AP5Z1: variants seen among roughly 807,000 people sequenced by gnomAD.
AP5Z1 encodes the protein AP-5 complex subunit zeta-1.
In AP5Z1, 106 loss-of-function variants were observed where a neutral mutation model predicts 83.0. That is an observed-to-expected ratio of 1.28 (90% CI 1.09 to 1.50). The LOEUF is 1.50. Ranked by LOEUF, AP5Z1 falls within the 40% of genes most tolerant of loss-of-function variation. The pLI is 0.00. For missense variants in AP5Z1, 1,565 were observed against 1,094.2 expected (o/e 1.43, Z -6.07); for synonymous variants, 751 against 514.1 (o/e 1.46, Z -6.23).
rs78959612 is a variant in AP5Z1 at position 4,790,447 on chromosome 7, C to T, written c.1806-12C>T. ...CTGCACAGAGCAGGCGTAGACCCGG[C>T]TTTCTGGGCAGTGTGCTGAGTTCTC... On this transcript the variant is annotated splice_polypyrimidine_tract_variant and intron_variant, in intron 14 of 16. Transcript: ENST00000649063. 4.5e-3 allele frequency: 7,328 copies of T among 1,613,036 alleles called. 262 individuals are homozygous for T. The African/African-American group carries it at 0.082, about 18-fold the overall frequency.
intron 3 of AP5Z1, among the ~76,000 whole-genome samples, chr7:4,782,523 C>T (rs1056859678): frequency 2.6e-5 from 4 of 152,184 alleles, no homozygotes; most frequent in Non-Finnish European, 2.9e-5. Context: ...TCATGAGTTG[C>T]CTCCTGTGCT....
At chr7:4,782,257 T>C (rs1781402971) in intron 3 of AP5Z1, among the ~76,000 whole-genome samples, 1 of 152,164 alleles carries the variant, frequency 6.6e-6, no homozygotes, top group Non-Finnish European at 1.5e-5. Flanking sequence ...GGTCTCACTA[T>C]GTTGCCCAGG....
chr7:4,781,963 C>G (rs562184207), intron 3 of AP5Z1, among the ~76,000 whole-genome samples: 1 of 152,218 alleles, frequency 6.6e-6, no homozygotes, highest in African/African-American at 2.4e-5. Context: ...TATGTTGGTG[C>G]TCAGGAGAGG....
rs1234994936 is a variant in AP5Z1, at chr7:4,786,308, G to A, written c.1191G>A (p.Pro397=). 2.5e-5 allele frequency: 40 copies of A among 1,613,656 alleles called. No individual in the cohort carries two copies. Among genetic ancestry groups the A allele is most frequent in the Non-Finnish European group, 3.0e-5 (35 of 1,179,804 alleles). Residue 397 remains proline, a synonymous_variant, in exon 10 of 17, where the codon CCG becomes CCA. Transcript: ENST00000649063. ...AVYQHLFTRI[P]VEQFHSPMLA... ...ACCAGCACCTGTTCACCAGGATCCC[G>A]GTGGAGCAGTTCCACAGCCCCATGC... is the stretch of plus-strand genomic sequence containing the variant.
At chr7:4,782,601 C>T (rs901836318) in intron 3 of AP5Z1, among the ~76,000 whole-genome samples, 5 of 152,044 alleles carry the variant, frequency 3.3e-5, no homozygotes, top group African/African-American at 7.2e-5. Flanking sequence ...GTACTCAGGG[C>T]GTTGTACTTC....
In AP5Z1 at chr7:4,792,444, T is replaced by C. The variant is rs1781813383; in HGVS notation, c.*1059T>C. The stretch of plus-strand genomic sequence containing the variant: ...CCACAGGCTGAAGGCGACTGCAGGG[T>C]CCTGCCCCTTGCCCAGCCTCAGGAC... On this transcript the variant is annotated 3_prime_UTR_variant, in exon 17 of 17. Coordinates refer to ENST00000649063, the MANE Select transcript of AP5Z1 (RefSeq NM_014855.3). 7.2e-6 allele frequency: 1 copy of C among 138,174 alleles called. No individual in the cohort carries two copies. The highest frequency in any genetic ancestry group is 8.3e-5 in the Admixed American group (1 of 12,044). 8.6% of individuals were successfully genotyped at this position (138,174 alleles called of 1,614,324 possible). A position where few individuals can be genotyped will look rare whatever the true frequency, so the allele number is the denominator to read the frequency against.
At position 4,784,183 on chromosome 7, in the gene AP5Z1, C is replaced by A; in HGVS notation, c.622-20C>A. 1 of 1,573,986 alleles carries A rather than the reference C, an allele frequency of 6.4e-7. No individual in the cohort carries two copies. The highest frequency in any genetic ancestry group is 8.6e-7 in the Non-Finnish European group (1 of 1,160,950). On this transcript the variant is annotated intron_variant, in intron 5 of 16. Coordinates refer to ENST00000649063, the MANE Select transcript of AP5Z1 (RefSeq NM_014855.3). ...CCGGCCTCGGCCCCCTCCGCCCACT[C>A]CTGCCTGTCCTTCCCACAGCCGGGC...
chr7:4,783,897 C>T lies in AP5Z1; in HGVS notation c.621+99C>T, dbSNP rs1380211017. The T allele has an allele frequency of 6.3e-5, 82 of 1,299,984 alleles. 1 individual carries two copies. The highest frequency in any genetic ancestry group is 4.0e-4 in the South Asian group (29 of 72,050). The allele number at this position is 1,299,984 out of a possible 1,614,324, so 80.5% of individuals were successfully genotyped here. A position where few individuals can be genotyped will look rare whatever the true frequency, so the allele number is the denominator to read the frequency against. Reference sequence around the variant, plus strand: ...ACAGCGGCGAGGCCTGCTGTCGTTCCGCGGGGTCCAGGACGAGCCTGCCTC... The same window carrying T: ...ACAGCGGCGAGGCCTGCTGTCGTTCTGCGGGGTCCAGGACGAGCCTGCCTC... On this transcript the variant is annotated intron_variant, in intron 5 of 16. Coordinates refer to ENST00000649063, the MANE Select transcript of AP5Z1 (RefSeq NM_014855.3).
chr7:4,788,271 C>A lies in AP5Z1; in HGVS notation c.1572C>A (p.Pro524=). The A allele has an allele frequency of 6.3e-7, 1 of 1,592,094 alleles. No homozygotes were observed. Among genetic ancestry groups the A allele is most frequent in the East Asian group, 2.3e-5 (1 of 43,850 alleles). Residue 524 remains proline, a synonymous_variant, in exon 12 of 17, where the codon CCC becomes CCA. Transcript: ENST00000649063. ...GTCTTTTCCAATACCTGCTGCGCCC[C>A]AAGGCCAGTGGCGCCACTGAGAGGT... is the stretch of plus-strand genomic sequence containing the variant. ...FQGLFQYLLR[P]KASGATERLA...
rs1333021554 is a variant in AP5Z1 at position 4,789,831 on chromosome 7, G to A, written c.1708-1G>A. The A allele has an allele frequency of 1.3e-6, 2 of 1,551,430 alleles. No homozygotes were observed. The highest frequency in any genetic ancestry group is 1.7e-6 in the Non-Finnish European group (2 of 1,147,476). ...GCCTGTTTCCCACTCCTGACCCCCA[G>A]GTGGCTGACGGGTCCCTGATCAACC... On this transcript the variant is annotated splice_acceptor_variant, in intron 13 of 16. Transcript: ENST00000649063. LOFTEE classifies it high-confidence loss of function.
intron 3 of AP5Z1, among the ~76,000 whole-genome samples, chr7:4,782,907 C>T (rs573599310): frequency 6.6e-6 from 1 of 152,382 alleles, no homozygotes; most frequent in East Asian, 1.9e-4. Flanking sequence ...GGCCCTGCCC[C>T]TGTGCTGGGT....
At chr7:4,789,990 T>TCCCCCC in intron 14 of AP5Z1, 61 bp downstream of exon 14, 8 of 733,582 alleles carry the variant, frequency 1.1e-5, no homozygotes, top group Admixed American at 6.4e-5. Context: ...CTCCTCCCCC[T>TCCCCCC]CTCCCCTCCC....
chr7:4,786,338 C>T lies in AP5Z1; in HGVS notation c.1221C>T (p.Ala407=). The T allele has an allele frequency of 6.2e-7, 1 of 1,613,952 alleles. No individual in the cohort carries two copies. Among genetic ancestry groups the T allele is most frequent in the Non-Finnish European group, 8.5e-7 (1 of 1,179,856 alleles). ...AGCAGTTCCACAGCCCCATGCTGGCCTTTGAATTCATCCAGTTCTGCAGGG... is the reference window on the plus strand; with the variant it reads ...AGCAGTTCCACAGCCCCATGCTGGCTTTTGAATTCATCCAGTTCTGCAGGG... ...PVEQFHSPML[A]FEFIQFCRDN... is the part of the protein sequence containing the mutation. Residue 407 remains alanine (A), a synonymous_variant, in exon 10 of 17, where the codon GCC becomes GCT. Coordinates refer to ENST00000649063, the MANE Select transcript of AP5Z1 (RefSeq NM_014855.3).
At chr7:4,782,445 A>G (rs1470472544) in intron 3 of AP5Z1, among the ~76,000 whole-genome samples, 1 of 152,164 alleles carries the variant, frequency 6.6e-6, no homozygotes, top group Non-Finnish European at 1.5e-5. Flanking sequence ...TGGGTTGCCC[A>G]GGGGTGCAGA....
rs761113196 is a variant in AP5Z1 at position 4,787,744 on chromosome 7, C to CTT, written c.1423_1424insTT (p.Cys475PhefsTer3). 6.5e-7 allele frequency: 1 copy of CTT among 1,545,040 alleles called. No homozygotes were observed. ...TGCTGCACGCGCTGCTGGACCTGCC[C>CTT]TGCTTGACGGCGGTGCTGGACCTGC... On this transcript the variant is annotated frameshift_variant, in exon 11 of 17. Transcript: ENST00000649063. LOFTEE classifies it high-confidence loss of function.
At chr7:4,783,022 G>A (rs528810396) in intron 3 of AP5Z1, among the ~76,000 whole-genome samples, 2 of 152,360 alleles carry the variant, frequency 1.3e-5, no homozygotes, top group East Asian at 3.9e-4. Context: ...GGGGTGTCCT[G>A]TGTCTGCGGC....
intron 3 of AP5Z1, among the ~76,000 whole-genome samples, chr7:4,782,784 C>T (rs1326498189): frequency 2.0e-5 from 3 of 152,164 alleles, no homozygotes; most frequent in African/African-American, 7.2e-5. Flanking sequence ...TCAAGCAACT[C>T]ATTTTTTTCA....
intron 1 of AP5Z1, among the ~76,000 whole-genome samples, chr7:4,778,199 C>T (rs559376308): frequency 8.5e-4 from 130 of 152,218 alleles, no homozygotes; most frequent in African/African-American, 2.7e-3. Context: ...CACTCCAGCT[C>T]GGGTGACAGA....
intron 1 of AP5Z1, among the ~76,000 whole-genome samples, chr7:4,777,481 G>T (rs1781259190): frequency 6.6e-6 from 1 of 152,016 alleles, no homozygotes; most frequent in Non-Finnish European, 1.5e-5. Context: ...TCCGCCTCCT[G>T]GGTTCAAGCA....
Sources: gnomAD v4.1 joint callset for allele counts (sites outside exome capture counted in the v4.1 genomes callset) on GRCh38, gnomAD v4.1.1 for gene constraint, MANE v1.5 for transcripts, NCBI Gene and HGNC (gene_info 2026-07-23, HGNC 2026-07-21) for gene names.